Variants in UBE3B observed in about 807,000 individuals in gnomAD.
UBE3B encodes ubiquitin-protein ligase E3B.
Under a neutral mutation model 132.3 loss-of-function variants are expected in UBE3B, and 80 were observed. That is an observed-to-expected ratio of 0.60 (90% CI 0.50 to 0.73). The LOEUF (loss-of-function observed/expected upper bound fraction) is 0.73, where lower values mean the gene tolerates loss of function less well. Ranked by LOEUF, UBE3B falls within the 30% of genes least tolerant of loss-of-function variation. The pLI, the probability that UBE3B is intolerant of heterozygous loss-of-function variation, is 0.00. For synonymous variants in UBE3B, 487 were observed against 520.4 expected, an observed-to-expected ratio of 0.94 and a Z score of 0.87; for missense variants, 1,196 against 1,362.5, an observed-to-expected ratio of 0.88 and a Z score of 1.92.
At chr12:109,524,351 C>T in intron 22 of UBE3B, 87 bp from the exon 23 acceptor site, 1 of 1,530,308 alleles carries the variant, frequency 6.5e-7, no homozygotes, top group Admixed American at 1.7e-5. Flanking sequence ...GTTCCCAGCA[C>T]CAAAGCAGCG....
chr12:109,493,523 CTG>C (rs1335909920), intron 9 of UBE3B, among the ~76,000 whole-genome samples: 6 of 152,206 alleles, frequency 3.9e-5, no homozygotes, highest in African/African-American at 1.2e-4. Flanking sequence ...TTTTTCTTCT[CTG>C]TATGTATTAG....
chr12:109,534,141 T>C lies in UBE3B; in HGVS notation c.3016-450T>C. 1 of 1,291,272 alleles carries C rather than the reference T, an allele frequency of 7.7e-7. No individual in the cohort carries two copies. Among genetic ancestry groups the C allele is most frequent in the Non-Finnish European group, 1.0e-6 (1 of 992,640 alleles). 80.0% of individuals were successfully genotyped at this position (1,291,272 alleles called of 1,614,324 possible). A position where few individuals can be genotyped will look rare whatever the true frequency, so the allele number is the denominator to read the frequency against. On this transcript the variant is annotated intron_variant, in intron 27 of 27. Coordinates refer to ENST00000342494, the MANE Select transcript of UBE3B (RefSeq NM_130466.4). This position sits in a 1 kb window ranked among gnomAD's most constrained non-coding sequence, Gnocchi z 5.2. ...CTCATGATGCAGTTTGAGCCCGTGA[T>C]GCCACCTTGTACAGGAAGCTACACA...
chr12:109,498,431 G>A, intron 11 of UBE3B, 78 bp downstream of exon 11: 8 of 1,525,992 alleles, frequency 5.2e-6, no homozygotes, highest in Non-Finnish European at 7.1e-6. Flanking sequence ...CACTATTCTA[G>A]AGATTTGGTT....
At chr12:109,502,967 T>G in intron 13 of UBE3B, 56 bp from the exon 14 acceptor site, 1 of 1,606,866 alleles carries the variant, frequency 6.2e-7, no homozygotes, top group Non-Finnish European at 8.5e-7. Context: ...TTTTCCAGGG[T>G]GGGATTTGGC....
At chr12:109,479,419 A>G (rs1008650044) in intron 1 of UBE3B, among the ~76,000 whole-genome samples, 2 of 152,140 alleles carry the variant, frequency 1.3e-5, no homozygotes, top group African/African-American at 4.8e-5. Flanking sequence ...CATAGACACT[A>G]TTATTACCCT....
chr12:109,501,261 C>A, intron 12 of UBE3B, 110 bp from the exon 13 acceptor site: 2 of 1,340,248 alleles, frequency 1.5e-6, no homozygotes, highest in Non-Finnish European at 1.0e-6. Flanking sequence ...ATGTTGAGTG[C>A]CAGGTCCTAG....
chr12:109,547,302 C>T, the UBE3B span, among the ~76,000 whole-genome samples: 1 of 152,236 alleles, frequency 6.6e-6, no homozygotes, highest in Non-Finnish European at 1.5e-5. This position sits in a 1 kb window ranked among gnomAD's most constrained non-coding sequence, Gnocchi z 4.1. Context: ...GAGCAAGTCA[C>T]TTCGTCTTTC....
intron 8 of UBE3B, chr12:109,490,556 GT>G (rs1055372414): frequency 1.3e-6 from 2 of 1,535,870 alleles, no homozygotes; most frequent in African/African-American, 2.7e-5. Flanking sequence ...GAGGTGGTCC[GT>G]TGGCAGAAGC....
At position 109,490,328 on chromosome 12, in the gene UBE3B, A is replaced by G. The variant is rs1877248217; in HGVS notation, c.630+324A>G. On this transcript the variant is annotated intron_variant, in intron 8 of 27. Coordinates refer to ENST00000342494, the MANE Select transcript of UBE3B (RefSeq NM_130466.4). ...CTTCTTGGTTGATGTCTAGAATCAT[A>G]TTTCTAGCTCTGTGTCCTCAAACAG... is the stretch of plus-strand genomic sequence containing the variant. The G allele has an allele frequency of 4.4e-6, 6 of 1,374,742 alleles. No individual in the cohort carries two copies. The African/African-American group carries it at 8.7e-5, about 20-fold the overall frequency. The allele number at this position is 1,374,742 out of a possible 1,614,324, so 85.2% of individuals were successfully genotyped here.
At chr12:109,507,449 G>A (rs1172777664) in intron 14 of UBE3B, 115 bp from the exon 15 acceptor site, 32 of 1,135,540 alleles carry the variant, frequency 2.8e-5, no homozygotes, top group South Asian at 6.3e-5. Context: ...TTCTTTTCAC[G>A]CACATTAAAT....
chr12:109,525,013 A>T (rs550782008), intron 23 of UBE3B, among the ~76,000 whole-genome samples: 1 of 152,102 alleles, frequency 6.6e-6, no homozygotes, highest in African/African-American at 2.4e-5. Flanking sequence ...GTCCTGGTGG[A>T]GGTCCCTGCA....
At chr12:109,546,281 A>G in the UBE3B span, among the ~76,000 whole-genome samples, 1 of 152,174 alleles carries the variant, frequency 6.6e-6, no homozygotes, top group African/African-American at 2.4e-5. Context: ...CATCCCAGCG[A>G]GTGTTCAAAC....
chr12:109,540,686 C>T (rs995784988), downstream of UBE3B, among the ~76,000 whole-genome samples: 7 of 152,234 alleles, frequency 4.6e-5, no homozygotes, highest in African/African-American at 1.4e-4. Context: ...CTTCAGACCA[C>T]GGGCATGTGA....
chr12:109,509,516 TG>T (rs1880097273), intron 15 of UBE3B, 79 bp from the exon 16 acceptor site: 1 of 799,712 alleles, frequency 1.3e-6, no homozygotes, highest in Non-Finnish European at 2.0e-6. Context: ...CCTCGTTTAT[TG>T]TCTAGTAAGC....
At chr12:109,498,424 T>C (rs1373940528) in intron 11 of UBE3B, 71 bp downstream of exon 11, 1 of 1,540,924 alleles carries the variant, frequency 6.5e-7, no homozygotes, top group Non-Finnish European at 8.8e-7. Context: ...TGCCTGTCAC[T>C]ATTCTAGAGA....
intron 4 of UBE3B, among the ~76,000 whole-genome samples, chr12:109,484,521 A>T (rs998417401): frequency 6.6e-6 from 1 of 151,918 alleles, no homozygotes; most frequent in Non-Finnish European, 1.5e-5. Context: ...CCTCCCTAGT[A>T]TCTGGAACTA....
intron 14 of UBE3B, among the ~76,000 whole-genome samples, chr12:109,503,921 C>T (rs1454175463): frequency 6.6e-6 from 1 of 152,236 alleles, no homozygotes; most frequent in African/African-American, 2.4e-5. Context: ...CTCTTTCACA[C>T]TTATTTATCC....
chr12:109,517,192 G>A (rs1014265833), intron 19 of UBE3B, among the ~76,000 whole-genome samples: 2 of 152,112 alleles, frequency 1.3e-5, no homozygotes, highest in African/African-American at 2.4e-5. Context: ...CAGTCACAGC[G>A]GCTGCACTAA....
the UBE3B span, among the ~76,000 whole-genome samples, chr12:109,546,768 G>T: frequency 6.6e-6 from 1 of 152,296 alleles, no homozygotes; most frequent in African/African-American, 2.4e-5. Flanking sequence ...CTGGCAATGT[G>T]GCACGATCTC....
Sources: allele counts gnomAD v4.1 joint callset (sites outside exome capture counted in the v4.1 genomes callset), GRCh38; gene constraint gnomAD v4.1.1; non-coding constraint Gnocchi (gnomAD v3.1); transcripts MANE v1.5; gene names NCBI Gene and HGNC (gene_info 2026-07-23, HGNC 2026-07-21).